Variants in GFAP observed in about 807,000 individuals in gnomAD.
GFAP encodes the protein intermediate filament protein.
GFAP carries 38 observed loss-of-function variants against 49.3 expected under a neutral mutation model. That is an observed-to-expected ratio of 0.77 (90% CI 0.60 to 1.01). The LOEUF is 1.01. GFAP is among the 50% of genes least tolerant of loss of function. GFAP has a pLI of 0.00. For synonymous variants in GFAP, 222 were observed against 236.4 expected, an observed-to-expected ratio of 0.94 and a Z score of 0.56; for missense variants, 463 against 579.1, an observed-to-expected ratio of 0.80 and a Z score of 2.06.
chr17:44,906,544 G>A lies in GFAP; in HGVS notation c.*803C>T, dbSNP rs1297666517. On this transcript the variant is annotated 3_prime_UTR_variant, in exon 9 of 9. Transcript: ENST00000588735. ...AGAATCAAGCTCCCACCTGCCCACA[G>A]CGTGCCCACAGATGGCATCCCTGGA... 6.6e-6 allele frequency: 1 copy of A among 152,614 alleles called. No homozygotes were observed. Among genetic ancestry groups the A allele is most frequent in the Non-Finnish European group, 1.5e-5 (1 of 68,370 alleles). 9.5% of individuals were successfully genotyped at this position (152,614 alleles called of 1,614,324 possible).
At chr17:44,908,712 T>C (rs1272577280) in intron 7 of GFAP, 1 of 152,250 alleles carries the variant, frequency 6.6e-6, no homozygotes, top group Non-Finnish European at 1.5e-5. Context: ...AATACAAAAA[T>C]TAGTCAGGCA....
In GFAP at chr17:44,909,906, G is replaced by A. The variant is rs1177346195; in HGVS notation, c.1171+709C>T. Reference sequence around the variant, plus strand: ...TCAGAGGCCCCAGAGCAGCTCCACTGCGCACCCAAGGACTCACCACCTTTA... The same window carrying A: ...TCAGAGGCCCCAGAGCAGCTCCACTACGCACCCAAGGACTCACCACCTTTA... On this transcript the variant is annotated intron_variant, in intron 7 of 8. Transcript: ENST00000588735. 6 of 1,383,046 alleles carry A rather than the reference G, an allele frequency of 4.3e-6. No homozygotes were observed. The Admixed American group carries it at 1.5e-4, about 35-fold the overall frequency. The allele number at this position is 1,383,046 out of a possible 1,614,324, so 85.7% of individuals were successfully genotyped here. A position where few individuals can be genotyped will look rare whatever the true frequency, so the allele number is the denominator to read the frequency against.
rs201709616 is a variant in GFAP, at chr17:44,907,317, C to G, written c.*30G>C. 1.2e-6 allele frequency: 2 copies of G among 1,607,774 alleles called. No homozygotes were observed. Among genetic ancestry groups the G allele is most frequent in the Non-Finnish European group, 1.7e-6 (2 of 1,174,298 alleles). On this transcript the variant is annotated 3_prime_UTR_variant, in exon 9 of 9. Coordinates refer to ENST00000588735, the MANE Select transcript of GFAP (RefSeq NM_002055.5). ...GCTTCTGCTCGGGCCCCTCATGAGA[C>G]GGGGCAGAGGCCACCAGGTGGGTCC...
intron 5 of GFAP, 57 bp downstream of exon 5, chr17:44,911,615 C>A (rs1332741455): frequency 1.2e-6 from 2 of 1,600,752 alleles, no homozygotes; most frequent in African/African-American, 2.7e-5. Flanking sequence ...CCCCTGGCAT[C>A]TCCTGGGGTG....
intron 4 of GFAP, 145 bp downstream of exon 4, chr17:44,913,124 G>T: frequency 1.2e-6 from 1 of 814,864 alleles, no homozygotes; most frequent in Admixed American, 1.7e-5. Flanking sequence ...GTGTGACCCT[G>T]GGCAAGCCAT....
intron 7 of GFAP, 198 bp downstream of exon 7, chr17:44,910,417 C>G (rs1248818603): frequency 6.3e-7 from 1 of 1,594,382 alleles, no homozygotes; most frequent in Admixed American, 1.8e-5. Flanking sequence ...CCTAGCAGGA[C>G]AGGGGCAGCT....
In GFAP at chr17:44,914,874, C is replaced by T. The variant is rs2051869653; in HGVS notation, c.461+152G>A. 47 of 677,072 alleles carry T rather than the reference C, an allele frequency of 6.9e-5. No individual in the cohort carries two copies. The South Asian group carries it at 8.6e-4, about 12-fold the overall frequency. 41.9% of individuals were successfully genotyped at this position (677,072 alleles called of 1,614,324 possible). A position where few individuals can be genotyped will look rare whatever the true frequency, so the allele number is the denominator to read the frequency against. On this transcript the variant is annotated intron_variant, in intron 1 of 8. Coordinates refer to ENST00000588735, the MANE Select transcript of GFAP (RefSeq NM_002055.5). ...TGGGCCTGTTTCTGGTCCCTCCCAT[C>T]ATGTTGGGGGGCAAGGATAGTGCCC... is the stretch of plus-strand genomic sequence containing the variant.
chr17:44,904,292 C>T lies in GFAP; in HGVS notation c.*3055G>A. On this transcript the variant is annotated 3_prime_UTR_variant, in exon 9 of 9. Coordinates refer to ENST00000588735, the MANE Select transcript of GFAP (RefSeq NM_002055.5). Reference sequence around the variant, plus strand: ...GGTGGCCACTTTCCAGGACAAGGGCCAGGAGCCCTTTGCAGATGAATACTA... The same window carrying T: ...GGTGGCCACTTTCCAGGACAAGGGCTAGGAGCCCTTTGCAGATGAATACTA... The T allele has an allele frequency of 6.5e-7, 1 of 1,548,794 alleles. No individual in the cohort carries two copies. Among genetic ancestry groups the T allele is most frequent in the Non-Finnish European group, 8.7e-7 (1 of 1,146,050 alleles).
rs763868966 is a variant in GFAP, at chr17:44,911,429, C to G, written c.934G>C (p.Glu312Gln). ...TCCCGCACGTGCCGCTCCTCCTGCT[C>G]GCGCATCTGCCTCTCCAGGGACTCG... ...TNESLERQMR[E>Q]QEERHVREAA... The change falls in exon 6 of 9, where the codon GAG (glutamate) becomes CAG (glutamine). Residue 312 changes from glutamate (E) to glutamine (Q), a missense_variant. By Grantham distance (29) the Glu-to-Gln change is conservative. Transcript: ENST00000588735. 4 of 1,610,918 alleles carry G rather than the reference C, an allele frequency of 2.5e-6. No homozygotes were observed. The highest frequency in any genetic ancestry group is 3.4e-6 in the Non-Finnish European group (4 of 1,178,846).
At position 44,904,271 on chromosome 17, in the gene GFAP, G is replaced by T. The variant is rs1036146545; in HGVS notation, c.*3076C>A. 3 of 1,550,172 alleles carry T rather than the reference G, an allele frequency of 1.9e-6. No homozygotes were observed. In the East Asian group the frequency reaches 7.3e-5, roughly 38 times the overall value. Reference sequence around the variant, plus strand: ...CATCCAGAACAGTGAGGGAATGGTGGCCACTTTCCAGGACAAGGGCCAGGA... The same window carrying T: ...CATCCAGAACAGTGAGGGAATGGTGTCCACTTTCCAGGACAAGGGCCAGGA... On this transcript the variant is annotated 3_prime_UTR_variant, in exon 9 of 9. Coordinates refer to ENST00000588735, the MANE Select transcript of GFAP (RefSeq NM_002055.5).
intron 4 of GFAP, 104 bp from the exon 5 acceptor site, chr17:44,911,901 G>A: frequency 7.3e-7 from 1 of 1,370,526 alleles, no homozygotes; most frequent in East Asian, 2.3e-5. Flanking sequence ...CAGGACGTTG[G>A]CCCTGGCTGG....
chr17:44,910,751 C>G, intron 6 of GFAP, 93 bp from the exon 7 acceptor site: 1 of 1,527,794 alleles, frequency 6.5e-7, no homozygotes, highest in Admixed American at 2.1e-5. Flanking sequence ...ACTTGAACGC[C>G]CTTTTCCTTG....
Position 44,903,856 on chromosome 17 carries a change from C to T in GFAP, c.*3491G>A, listed in dbSNP as rs1468473297. 6.5e-7 allele frequency: 1 copy of T among 1,539,334 alleles called. No individual in the cohort carries two copies. The highest frequency in any genetic ancestry group is 8.8e-7 in the Non-Finnish European group (1 of 1,141,584). On this transcript the variant is annotated 3_prime_UTR_variant, in exon 9 of 9. Coordinates refer to ENST00000588735, the MANE Select transcript of GFAP (RefSeq NM_002055.5). ...TGCACCTGGCCCTCACCACTGTGCTCCTGTGGGCATGGGGGCTCCAGGCCT... is the reference window on the plus strand; with the variant it reads ...TGCACCTGGCCCTCACCACTGTGCTTCTGTGGGCATGGGGGCTCCAGGCCT...
At position 44,903,451 on chromosome 17, in the gene GFAP, G is replaced by A; in HGVS notation, c.*3896C>T. On this transcript the variant is annotated 3_prime_UTR_variant, in exon 9 of 9. Coordinates refer to ENST00000588735, the MANE Select transcript of GFAP (RefSeq NM_002055.5). Reference sequence around the variant, plus strand: ...GATGAAAGACTTTTCCACCAGGCTGGCAGGGCAGGGCCTGGAGCACTGAGG... The same window carrying A: ...GATGAAAGACTTTTCCACCAGGCTGACAGGGCAGGGCCTGGAGCACTGAGG... 8.0e-7 allele frequency: 1 copy of A among 1,252,882 alleles called. No individual in the cohort carries two copies. Among genetic ancestry groups the A allele is most frequent in the South Asian group, 3.7e-5 (1 of 27,070 alleles). 77.6% of individuals were successfully genotyped at this position (1,252,882 alleles called of 1,614,324 possible). A position where few individuals can be genotyped will look rare whatever the true frequency, so the allele number is the denominator to read the frequency against.
Position 44,907,083 on chromosome 17 carries a change from T to C in GFAP, c.*264A>G. ...TCCTCCTCATTCTAACGCAAGCTGCTGGCCATGCCCCTCCAGACTGCCCCT... is the reference window on the plus strand; with the variant it reads ...TCCTCCTCATTCTAACGCAAGCTGCCGGCCATGCCCCTCCAGACTGCCCCT... On this transcript the variant is annotated 3_prime_UTR_variant, in exon 9 of 9. Coordinates refer to ENST00000588735, the MANE Select transcript of GFAP (RefSeq NM_002055.5). 5.3e-6 allele frequency: 3 copies of C among 568,142 alleles called. 1 individual carries two copies. In the South Asian group the frequency reaches 6.0e-5, roughly 11 times the overall value. The allele number at this position is 568,142 out of a possible 1,614,324, so 35.2% of individuals were successfully genotyped here.
At chr17:44,913,490 C>A in intron 3 of GFAP, 60 bp from the exon 4 acceptor site, 1 of 1,566,948 alleles carries the variant, frequency 6.4e-7, no homozygotes. Flanking sequence ...CTGGGGTTCC[C>A]CACGCCATTG....
At position 44,904,740 on chromosome 17, in the gene GFAP, G is replaced by T; in HGVS notation, c.*2607C>A. On this transcript the variant is annotated 3_prime_UTR_variant, in exon 9 of 9. Transcript: ENST00000588735. ...CATGCAGTGGCCTGGGACAAAGACCGCCAGCACCTCTACCGCACACAGTAC... is the reference window on the plus strand; with the variant it reads ...CATGCAGTGGCCTGGGACAAAGACCTCCAGCACCTCTACCGCACACAGTAC... 2 of 1,550,534 alleles carry T rather than the reference G, an allele frequency of 1.3e-6. No individual in the cohort carries two copies. The highest frequency in any genetic ancestry group is 1.2e-5 in the South Asian group (1 of 84,066).
Position 44,903,187 on chromosome 17 carries a change from T to TA in GFAP, c.*4159dup. On this transcript the variant is annotated 3_prime_UTR_variant, in exon 9 of 9. Transcript: ENST00000588735. The stretch of plus-strand genomic sequence containing the variant: ...AAGGGAAAAAGCAAAATCTTTATGG[T>TA]AAACAAACACTGATCTCCACAGCTC... 2 of 1,268,440 alleles carry TA rather than the reference T, an allele frequency of 1.6e-6. No individual in the cohort carries two copies. The highest frequency in any genetic ancestry group is 2.0e-6 in the Non-Finnish European group (2 of 1,009,528). 78.6% of individuals were successfully genotyped at this position (1,268,440 alleles called of 1,614,324 possible).
chr17:44,903,328 G>T lies in GFAP; in HGVS notation c.*4019C>A. On this transcript the variant is annotated 3_prime_UTR_variant, in exon 9 of 9. Transcript: ENST00000588735. Reference sequence around the variant, plus strand: ...CCCTAGAGACTCAGTTCTTGTGCAGGTTGGGCCTGGGAAAGTCCCAAGCCA... The same window carrying T: ...CCCTAGAGACTCAGTTCTTGTGCAGTTTGGGCCTGGGAAAGTCCCAAGCCA... 8.0e-7 allele frequency: 1 copy of T among 1,247,014 alleles called. No individual in the cohort carries two copies. Among genetic ancestry groups the T allele is most frequent in the Non-Finnish European group, 1.0e-6 (1 of 996,822 alleles). 77.2% of individuals were successfully genotyped at this position (1,247,014 alleles called of 1,614,324 possible).
Sources: gnomAD v4.1 joint callset for allele counts on GRCh38, gnomAD v4.1.1 for gene constraint, MANE v1.5 for transcripts, NCBI Gene and HGNC (gene_info 2026-07-23, HGNC 2026-07-21) for gene names.